Variants in IL1RAPL2 observed in about 807,000 individuals in gnomAD.
The protein encoded by IL1RAPL2 is X-linked interleukin-1 receptor accessory protein-like 2.
A neutral mutation model predicts 44.1 loss-of-function variants in IL1RAPL2; 3 were observed. That is an observed-to-expected ratio of 0.07 (90% CI 0.03 to 0.18). IL1RAPL2 has a LOEUF of 0.18. Among genes scored for constraint, IL1RAPL2 ranks in the 10% least tolerant of loss-of-function variants. The pLI is 1.00. For synonymous variants in IL1RAPL2, 181 were observed against 178.8 expected, an observed-to-expected ratio of 1.01 and a Z score of -0.10; for missense variants, 391 against 496.4, an observed-to-expected ratio of 0.79 and a Z score of 2.02.
At chrX:104,971,205 G>T (rs771474133) in intron 2 of IL1RAPL2, among the ~76,000 whole-genome samples, 1 of 110,074 alleles carries the variant, frequency 9.1e-6, no homozygotes, top group Non-Finnish European at 1.9e-5. Context: ...AAAATTAGCC[G>T]GGCGTGGTGA....
At chrX:104,645,309 ATTC>A (rs1930012374) in intron 1 of IL1RAPL2, among the ~76,000 whole-genome samples, 1 of 111,305 alleles carries the variant, frequency 9.0e-6, no homozygotes, top group South Asian at 3.8e-4. Flanking sequence ...ACTAACATCT[ATTC>A]TTAGATGTAC....
intron 5 of IL1RAPL2, among the ~76,000 whole-genome samples, chrX:105,425,820 T>TA (rs2035805326): frequency 9.5e-6 from 1 of 105,008 alleles, no homozygotes; most frequent in African/African-American, 3.9e-5. Flanking sequence ...TTAGTTTATT[T>TA]TAAAAAAATG....
chrX:104,794,660 C>T (rs966995769), intron 2 of IL1RAPL2, among the ~76,000 whole-genome samples: 1 of 111,821 alleles, frequency 8.9e-6, no homozygotes, highest in Non-Finnish European at 1.9e-5. Context: ...TGTTTTGATA[C>T]GTGTGGAGGG....
chrX:104,947,981 G>A (rs1478588900), intron 2 of IL1RAPL2, among the ~76,000 whole-genome samples: 1 of 111,158 alleles, frequency 9.0e-6, no homozygotes, highest in Non-Finnish European at 1.9e-5. Flanking sequence ...GATGGGGATG[G>A]CATTGAATCT....
Position 105,767,203 on chromosome X carries a change from A to G in IL1RAPL2, c.1603A>G (p.Lys535Glu). The part of the protein sequence containing the change: ...KRSIKLLSLI[K>E]WKGSKSSKLN... The stretch of plus-strand genomic sequence containing the variant: ...TAGCATCAAACTTCTGTCCCTGATC[A>G]AGTGGAAGGGATCCAAAAGCAGCAA... The change falls in exon 11 of 11, where the codon AAG (lysine) becomes GAG (glutamate). Residue 535 changes from lysine (K) to glutamate (E), a missense_variant. By Grantham distance (56) the Lys-to-Glu change is moderately conservative (BLOSUM62 1). Coordinates refer to ENST00000372582, the MANE Select transcript of IL1RAPL2 (RefSeq NM_017416.2). 1.7e-6 allele frequency: 2 copies of G among 1,210,991 alleles called. No individual in the cohort carries two copies. The highest frequency in any genetic ancestry group is 2.2e-6 in the Non-Finnish European group (2 of 894,690).
rs140192981 is a variant in IL1RAPL2 at position 105,721,040 on chromosome X, C to A, written c.902+3544C>A. Among the ~76,000 whole-genome samples the A allele has an allele frequency of 6.4e-3, 715 of 111,102 alleles. 12 individuals are homozygous for A. Among genetic ancestry groups the A allele is most frequent in the African/African-American group, 0.022 (678 of 30,644 alleles). The stretch of plus-strand genomic sequence containing the variant: ...GCAGCTTTCTTCATAATCGTCCAAA[C>A]TGGAAACAATCCAATGTCCATCAAC... On this transcript the variant is annotated intron_variant, in intron 7 of 10. Transcript: ENST00000372582.
At chrX:104,650,957 A>G (rs1930141582) in intron 1 of IL1RAPL2, among the ~76,000 whole-genome samples, 1 of 111,880 alleles carries the variant, frequency 8.9e-6, no homozygotes, top group Non-Finnish European at 1.9e-5. Context: ...CAGTTTCCTG[A>G]AAAGTAAAAT....
At chrX:105,540,653 T>C (rs1291286259) in intron 6 of IL1RAPL2, among the ~76,000 whole-genome samples, 1 of 104,812 alleles carries the variant, frequency 9.5e-6, no homozygotes, top group Non-Finnish European at 1.9e-5. Flanking sequence ...CTGACTCATA[T>C]CTAACTGCCC....
chrX:105,564,089 C>T (rs1045939566), intron 6 of IL1RAPL2, among the ~76,000 whole-genome samples: 1 of 111,540 alleles, frequency 9.0e-6, no homozygotes, highest in African/African-American at 3.3e-5. Context: ...GGTGCATTCT[C>T]ACTTCATCCT....
chrX:104,906,732 A>G (rs1428574775), intron 2 of IL1RAPL2, among the ~76,000 whole-genome samples: 1 of 111,771 alleles, frequency 8.9e-6, no homozygotes, highest in Non-Finnish European at 1.9e-5. Flanking sequence ...AGATTTTTGC[A>G]TCAATGTTCA....
chrX:105,480,190 TAAAC>T (rs2036225112), intron 5 of IL1RAPL2, among the ~76,000 whole-genome samples: 1 of 112,295 alleles, frequency 8.9e-6, no homozygotes, highest in Non-Finnish European at 1.9e-5. Context: ...TTTATTCAAT[TAAAC>T]AAATGAGTCT....
chrX:105,466,613 GA>G (rs1569444536), intron 5 of IL1RAPL2, among the ~76,000 whole-genome samples: 3 of 111,454 alleles, frequency 2.7e-5, no homozygotes, highest in Non-Finnish European at 5.7e-5. Context: ...TTTAATAGAG[GA>G]AAAAGAAAGG....
chrX:105,447,658 TAAATATAAATATATATAAATATATTAA>T (rs1446236618), intron 5 of IL1RAPL2, among the ~76,000 whole-genome samples: 18 of 78,427 alleles, frequency 2.3e-4, no homozygotes, highest in African/African-American at 3.8e-4. Context: ...TAAATATAAA[TAAATATAAATATATATAAATATATTAA>T]AAATATAAAT....
intron 4 of IL1RAPL2, among the ~76,000 whole-genome samples, chrX:105,257,328 C>A (rs759345022): frequency 8.9e-6 from 1 of 111,837 alleles, no homozygotes; most frequent in East Asian, 2.8e-4. Context: ...GGTTCTTTTA[C>A]ATTTGTTGAG....
At chrX:104,859,423 G>A (rs866967215) in intron 2 of IL1RAPL2, among the ~76,000 whole-genome samples, 75 of 110,647 alleles carry the variant, frequency 6.8e-4, no homozygotes, top group Non-Finnish European at 1.2e-3. Context: ...TAATCTTACC[G>A]ACTTAGTTCA....
chrX:105,447,075 T>TTATATATC (rs1556322820), intron 5 of IL1RAPL2, among the ~76,000 whole-genome samples: 10 of 16,870 alleles, frequency 5.9e-4, no homozygotes, highest in South Asian at 7.0e-3. Context: ...CTGGTTAAAA[T>TTATATATC]TATATATATA....
At chrX:105,311,203 G>A (rs1374753111) in intron 5 of IL1RAPL2, among the ~76,000 whole-genome samples, 2 of 110,841 alleles carry the variant, frequency 1.8e-5, no homozygotes, top group African/African-American at 6.5e-5. Context: ...ATCTCTTATA[G>A]ACAACATATA....
chrX:105,299,208 T>C (rs899310562), intron 5 of IL1RAPL2, among the ~76,000 whole-genome samples: 3 of 112,131 alleles, frequency 2.7e-5, no homozygotes, highest in African/African-American at 9.7e-5. Flanking sequence ...GTATTTAATG[T>C]AGACATTTTG....
At chrX:104,651,522 A>G (rs1489849535) in intron 1 of IL1RAPL2, among the ~76,000 whole-genome samples, 4 of 111,685 alleles carry the variant, frequency 3.6e-5, no homozygotes, top group South Asian at 3.7e-4. Flanking sequence ...ATGATATTTG[A>G]TTTTAGCAAG....
Sources: allele counts gnomAD v4.1 joint callset (sites outside exome capture counted in the v4.1 genomes callset), GRCh38; gene constraint gnomAD v4.1.1; transcripts MANE v1.5; gene names NCBI Gene and HGNC (gene_info 2026-07-23, HGNC 2026-07-21).